RARA: variants seen among roughly 807,000 people sequenced by gnomAD.
RARA encodes the protein retinoic acid receptor alpha.
Under a neutral mutation model 42.8 loss-of-function variants are expected in RARA, and 5 were observed. The ratio of observed to expected loss-of-function variants is 0.12; its 90% CI spans 0.06 to 0.25. The LOEUF is 0.25. RARA is among the 10% of genes least tolerant of loss of function. The pLI, the probability that RARA is intolerant of heterozygous loss-of-function variation, is 1.00. For missense variants in RARA, 402 were observed against 628.7 expected, an observed-to-expected ratio of 0.64 and a Z score of 3.86; for synonymous variants, 256 against 259.5, an observed-to-expected ratio of 0.99 and a Z score of 0.13.
intron 1 of RARA, among the ~76,000 whole-genome samples, chr17:40,319,474 C>T (rs1358975447): frequency 2.0e-5 from 3 of 152,148 alleles, no homozygotes; most frequent in East Asian, 3.8e-4. Context: ...GCTGTGTGCA[C>T]ATATGTGTAT....
In RARA at chr17:40,352,051, A is replaced by G. The variant is rs1328721893; in HGVS notation, c.611A>G (p.Gln204Arg). The change falls in exon 5 of 9, where the codon CAG (glutamine) becomes CGG (arginine). Residue 204 changes from glutamine to arginine, a missense_variant. Gln to Arg is a conservative substitution (Grantham distance 43). Coordinates refer to ENST00000254066, the MANE Select transcript of RARA (RefSeq NM_000964.4). The surrounding 1 kb of genome is among the most constrained non-coding windows in gnomAD (Gnocchi z 4.9). ...CAGGAAACCTTCCCTGCCCTCTGCC[A>G]GCTGGGCAAATACACTACGGTATGG... ...AHQETFPALC[Q>R]LGKYTTNNSS... 1.3e-6 allele frequency: 2 copies of G among 1,578,048 alleles called. No individual in the cohort carries two copies. Among genetic ancestry groups the G allele is most frequent in the African/African-American group, 1.4e-5 (1 of 72,302 alleles).
intron 1 of RARA, among the ~76,000 whole-genome samples, chr17:40,318,908 G>A (rs1185343915): frequency 6.6e-6 from 1 of 152,228 alleles, no homozygotes; most frequent in Non-Finnish European, 1.5e-5. Flanking sequence ...CCACCAGAGG[G>A]AGCCGGCCGG....
intron 2 of RARA, chr17:40,348,106 G>A: frequency 2.1e-6 from 1 of 484,740 alleles, no homozygotes; most frequent in Non-Finnish European, 3.6e-6. Flanking sequence ...GGTCCTAGGA[G>A]TCCAGAGGAG....
chr17:40,354,197 C>T lies in RARA; in HGVS notation c.808-105C>T. 2.8e-6 allele frequency: 3 copies of T among 1,086,696 alleles called. No individual in the cohort carries two copies. The highest frequency in any genetic ancestry group is 4.1e-6 in the Non-Finnish European group (3 of 738,706). The allele number at this position is 1,086,696 out of a possible 1,614,324, so 67.3% of individuals were successfully genotyped here. On this transcript the variant is annotated intron_variant, in intron 6 of 8. Coordinates refer to ENST00000254066, the MANE Select transcript of RARA (RefSeq NM_000964.4). This position sits in a 1 kb window ranked among gnomAD's most constrained non-coding sequence, Gnocchi z 4.5. ...TTCTATCAGACAGCATTGCTCCGGC[C>T]ACCTGCCAGGTGGTCCTCCGGGAGT...
At chr17:40,342,151 TG>T in intron 2 of RARA, 1 of 347,884 alleles carries the variant, frequency 2.9e-6, no homozygotes, top group East Asian at 1.4e-4. Context: ...AGAGCTGGGG[TG>T]GGGGGGCCGT....
chr17:40,321,894 T>A (rs1349149013), intron 1 of RARA, among the ~76,000 whole-genome samples: 1 of 152,110 alleles, frequency 6.6e-6, no homozygotes, highest in Admixed American at 6.5e-5. Context: ...ACTCCAAGTG[T>A]CAACCTGATC....
chr17:40,314,752 C>T (rs1364012520), intron 1 of RARA, among the ~76,000 whole-genome samples: 2 of 151,944 alleles, frequency 1.3e-5, no homozygotes, highest in African/African-American at 4.8e-5. Context: ...TGTCCTGGGG[C>T]TGGCAAGGTG....
At chr17:40,338,843 C>A (rs930933556) in intron 2 of RARA, among the ~76,000 whole-genome samples, 8 of 151,594 alleles carry the variant, frequency 5.3e-5, no homozygotes, top group Admixed American at 1.3e-4. Flanking sequence ...AATAGCGAAA[C>A]CCCATCTCTA....
chr17:40,324,526 TTCC>T (rs896351941), intron 1 of RARA, among the ~76,000 whole-genome samples: 55 of 152,200 alleles, frequency 3.6e-4, no homozygotes, highest in African/African-American at 1.3e-3. Flanking sequence ...AGACCCCCAC[TTCC>T]TCCTCCTAGA....
chr17:40,331,174 C>A lies in RARA; in HGVS notation c.-45C>A, dbSNP rs1192943276. Reference sequence around the variant, plus strand: ...GGGGTGGTCTGAAGCCCACCAGAGCCCCCTGCCAGACTGTCTGCCTCCCTT... The same window carrying A: ...GGGGTGGTCTGAAGCCCACCAGAGCACCCTGCCAGACTGTCTGCCTCCCTT... On this transcript the variant is annotated 5_prime_UTR_variant, in exon 2 of 9. Transcript: ENST00000254066. The A allele has an allele frequency of 6.5e-7, 1 of 1,548,376 alleles. No individual in the cohort carries two copies.
chr17:40,356,331 CG>C lies in RARA; in HGVS notation c.*108del. The C allele has an allele frequency of 7.9e-7, 1 of 1,258,398 alleles. No homozygotes were observed. Among genetic ancestry groups the C allele is most frequent in the Non-Finnish European group, 1.1e-6 (1 of 890,508 alleles). The allele number at this position is 1,258,398 out of a possible 1,614,324, so 78.0% of individuals were successfully genotyped here. A position where few individuals can be genotyped will look rare whatever the true frequency, so the allele number is the denominator to read the frequency against. On this transcript the variant is annotated 3_prime_UTR_variant, in exon 9 of 9. Transcript: ENST00000254066. ...CCAGCCCTGCCCCCACCTGCCCTCC[CG>C]GGCAGTACTGGGGACCTTCCCTGGG...
chr17:40,353,401 T>A (rs1489859038), intron 6 of RARA, among the ~76,000 whole-genome samples: 1 of 152,192 alleles, frequency 6.6e-6, no homozygotes, highest in Admixed American at 6.5e-5. Context: ...TCCCTCTTGG[T>A]CACCTCCAGG....
chr17:40,338,831 G>A (rs777121139), intron 2 of RARA, among the ~76,000 whole-genome samples: 5 of 151,410 alleles, frequency 3.3e-5, no homozygotes, highest in South Asian at 2.1e-4. Flanking sequence ...GCAAGATAGC[G>A]AAATAGCGAA....
intron 2 of RARA, among the ~76,000 whole-genome samples, chr17:40,338,469 G>T (rs575169247): frequency 6.6e-6 from 1 of 152,208 alleles, no homozygotes; most frequent in Admixed American, 6.5e-5. Context: ...CCATGGGCAG[G>T]AGTCTTAAAG....
intron 1 of RARA, among the ~76,000 whole-genome samples, chr17:40,318,616 G>C (rs979465978): frequency 3.6e-4 from 55 of 152,238 alleles, no homozygotes; most frequent in Non-Finnish European, 7.3e-5. Context: ...TGTCCAGGGT[G>C]GGGGAGCCCC....
At chr17:40,317,364 G>T (rs921863691) in intron 1 of RARA, among the ~76,000 whole-genome samples, 1 of 152,346 alleles carries the variant, frequency 6.6e-6, no homozygotes, top group East Asian at 1.9e-4. Context: ...AAACAGAGCT[G>T]CAGGCTGGGA....
rs562304039 is a variant in RARA, at chr17:40,331,356, C to T, written c.138C>T (p.His46=). 5.0e-6 allele frequency: 8 copies of T among 1,614,052 alleles called. No individual in the cohort carries two copies. The highest frequency in any genetic ancestry group is 4.5e-5 in the East Asian group (2 of 44,874). ...CAGGCGCTCTGACCACTCTCCAGCA[C>T]CAGCTTCCAGTTAGTGGATATAGCA... ...SPPGALTTLQ[H]QLPVSGYSTP... The change falls in exon 2 of 9, where the codon CAC becomes CAT. Residue 46 remains histidine (H), a synonymous_variant. Coordinates refer to ENST00000254066, the MANE Select transcript of RARA (RefSeq NM_000964.4).
chr17:40,337,095 A>C (rs1254212228), intron 2 of RARA, among the ~76,000 whole-genome samples: 2 of 152,228 alleles, frequency 1.3e-5, no homozygotes, highest in African/African-American at 4.8e-5. Context: ...GTGTTTTACA[A>C]ATTTTAATCC....
rs1191974001 is a variant in RARA at position 40,320,025 on chromosome 17, G to A, written c.-363+10739G>A. Among the ~76,000 whole-genome samples, 1 of 152,172 alleles carries A rather than the reference G, an allele frequency of 6.6e-6. No homozygotes were observed. The highest frequency in any genetic ancestry group is 1.5e-5 in the Non-Finnish European group (1 of 68,026). On this transcript the variant is annotated intron_variant, in intron 1 of 8. Transcript: ENST00000254066. This position sits in a 1 kb window ranked among gnomAD's most constrained non-coding sequence, Gnocchi z 4.1. ...CTGGACCATGTGGTGTCCTGAAAGA[G>A]AGGTCAGGAGGGTCAGACTGGAGTA...
Sources: allele counts gnomAD v4.1 joint callset (sites outside exome capture counted in the v4.1 genomes callset), GRCh38; gene constraint gnomAD v4.1.1; non-coding constraint Gnocchi (gnomAD v3.1); transcripts MANE v1.5; gene names NCBI Gene and HGNC (gene_info 2026-07-23, HGNC 2026-07-21).